SNTG2: variants seen among roughly 807,000 people sequenced by gnomAD.
The protein encoded by SNTG2 is gamma-2-syntrophin.
Under a neutral mutation model 70.9 loss-of-function variants are expected in SNTG2, and 74 were observed. That is an observed-to-expected ratio of 1.04 (90% CI 0.86 to 1.27). SNTG2 has a LOEUF of 1.27. Ranked by LOEUF, SNTG2 falls within the 50% of genes most tolerant of loss-of-function variation. The probability of loss-of-function intolerance (pLI) is 0.00; values close to 1 mark genes in which losing one functional copy is unlikely to be tolerated. For synonymous variants in SNTG2, 278 were observed against 273.8 expected (o/e 1.02, Z -0.15); for missense variants, 717 against 690.7 (o/e 1.04, Z -0.43).
rs200509062 is a variant in SNTG2, at chr2:1,098,380, G to A, written c.295G>A (p.Val99Ile). 130 of 1,613,874 alleles carry A rather than the reference G, an allele frequency of 8.1e-5. No homozygotes were observed. Among genetic ancestry groups the A allele is most frequent in the Middle Eastern group, 6.6e-4 (4 of 6,062 alleles). Residue 99 changes from valine to isoleucine, a missense_variant, in exon 4 of 17, where the codon GTC (valine) becomes ATC (isoleucine). By Grantham distance (29) the Val-to-Ile change is conservative (BLOSUM62 3). Coordinates refer to ENST00000308624, the MANE Select transcript of SNTG2 (RefSeq NM_018968.4). ...KGGSEHNVPV[V>I]ISKIFEDQAA... The stretch of plus-strand genomic sequence containing the variant: ...AGGTTCTGAGCACAACGTCCCTGTC[G>A]TCATATCAAAAATATTCGAAGACCA...
At chr2:1,340,170 C>A (rs1249125965) in intron 16 of SNTG2, among the ~76,000 whole-genome samples, 6 of 152,326 alleles carry the variant, frequency 3.9e-5, no homozygotes, top group Admixed American at 6.5e-5. Context: ...TCACATCTGT[C>A]TAAATTTACT....
intron 2 of SNTG2, among the ~76,000 whole-genome samples, chr2:1,096,542 T>G (rs62107373): frequency 0.037 from 5,700 of 152,130 alleles, 251 homozygotes; most frequent in South Asian, 0.22. Context: ...GCGTTCAACA[T>G]CCTTAGATTC....
intron 16 of SNTG2, among the ~76,000 whole-genome samples, chr2:1,330,912 G>T (rs796069417): frequency 6.6e-6 from 1 of 152,120 alleles, no homozygotes; most frequent in Non-Finnish European, 1.5e-5. Context: ...CTATCAGGTC[G>T]ATGTGTGCCG....
intron 1 of SNTG2, among the ~76,000 whole-genome samples, chr2:994,611 A>G (rs1661613902): frequency 6.6e-6 from 1 of 152,072 alleles, no homozygotes; most frequent in South Asian, 2.1e-4. Flanking sequence ...GAATCTGTAG[A>G]TCAATTTGAG....
At chr2:1,053,147 T>C (rs1281132756) in intron 1 of SNTG2, among the ~76,000 whole-genome samples, 1 of 152,238 alleles carries the variant, frequency 6.6e-6, no homozygotes, top group Admixed American at 6.5e-5. Context: ...CTGCTGTTGC[T>C]GAGCACAGTG....
intron 16 of SNTG2, among the ~76,000 whole-genome samples, chr2:1,330,887 C>T (rs114437669): frequency 5.8e-4 from 89 of 152,162 alleles, no homozygotes; most frequent in Non-Finnish European, 9.9e-4. Flanking sequence ...CAAAAGTGAC[C>T]AAGGCTGGCA....
chr2:1,277,277 C>G (rs927575930), intron 14 of SNTG2, among the ~76,000 whole-genome samples: 2 of 152,116 alleles, frequency 1.3e-5, no homozygotes, highest in African/African-American at 4.8e-5. Flanking sequence ...AAGAGTAAAT[C>G]GATGAGGCAG....
At chr2:1,271,829 T>C (rs1679035415) in intron 14 of SNTG2, among the ~76,000 whole-genome samples, 1 of 152,168 alleles carries the variant, frequency 6.6e-6, no homozygotes, top group Middle Eastern at 3.2e-3. Context: ...TGCCATTGGC[T>C]GATTGGCTTC....
At chr2:1,264,940 A>G (rs1402413154) in intron 13 of SNTG2, among the ~76,000 whole-genome samples, 1 of 152,218 alleles carries the variant, frequency 6.6e-6, no homozygotes, top group East Asian at 1.9e-4. Flanking sequence ...TCATGTTATT[A>G]GTAAAGCTTC....
intron 9 of SNTG2, among the ~76,000 whole-genome samples, chr2:1,222,398 T>C (rs1217269552): frequency 1.3e-5 from 2 of 152,264 alleles, no homozygotes; most frequent in Non-Finnish European, 2.9e-5. Flanking sequence ...TTCCTTTGTG[T>C]GTGGAGATTT....
intron 16 of SNTG2, among the ~76,000 whole-genome samples, chr2:1,318,176 T>G (rs1681373555): frequency 6.6e-6 from 1 of 152,222 alleles, no homozygotes; most frequent in Non-Finnish European, 1.5e-5. Context: ...GCCAGTTTAA[T>G]ATAAACTTAA....
chr2:1,330,402 C>T (rs1659462745), intron 16 of SNTG2, among the ~76,000 whole-genome samples: 1 of 152,120 alleles, frequency 6.6e-6, no homozygotes, highest in South Asian at 2.1e-4. Context: ...AGCTAATTCC[C>T]TAGATGAGAC....
chr2:1,201,253 T>TG (rs1673255845), intron 8 of SNTG2, among the ~76,000 whole-genome samples: 1 of 151,916 alleles, frequency 6.6e-6, no homozygotes, highest in Admixed American at 6.6e-5. Flanking sequence ...GCAACATGGA[T>TG]GGAACTGGAG....
chr2:1,059,903 G>A (rs1234864830), intron 1 of SNTG2, among the ~76,000 whole-genome samples: 1 of 151,896 alleles, frequency 6.6e-6, no homozygotes, highest in Non-Finnish European at 1.5e-5. Context: ...TTGGATCAGG[G>A]GTACAAAAGT....
intron 2 of SNTG2, 69 bp downstream of exon 2, chr2:1,083,724 T>C (rs1406163542): frequency 1.3e-5 from 21 of 1,573,574 alleles, no homozygotes; most frequent in African/African-American, 2.7e-5. Context: ...CTTTGAAAAG[T>C]GTGGTTCAAG....
chr2:1,082,667 C>T (rs879806200), intron 1 of SNTG2, among the ~76,000 whole-genome samples: 8 of 152,310 alleles, frequency 5.3e-5, no homozygotes, highest in South Asian at 2.1e-4. Flanking sequence ...TCCTGCACTC[C>T]GGAGGCTGGG....
intron 8 of SNTG2, among the ~76,000 whole-genome samples, chr2:1,191,722 G>A (rs996524206): frequency 6.6e-6 from 1 of 152,168 alleles, no homozygotes; most frequent in African/African-American, 2.4e-5. Flanking sequence ...TGGAACCCAG[G>A]AGGCAGAGGT....
At chr2:1,037,625 A>G (rs894763190) in intron 1 of SNTG2, among the ~76,000 whole-genome samples, 21 of 152,190 alleles carry the variant, frequency 1.4e-4, no homozygotes, top group African/African-American at 5.1e-4. Context: ...ACACAGAATC[A>G]TAGGACGTCT....
intron 1 of SNTG2, among the ~76,000 whole-genome samples, chr2:1,006,763 C>T (rs543413085): frequency 4.6e-5 from 7 of 152,076 alleles, no homozygotes; most frequent in Admixed American, 2.0e-4. Context: ...CGGTGGCTCA[C>T]GCCTGTAATG....
Sources: gnomAD v4.1 joint callset for allele counts (sites outside exome capture counted in the v4.1 genomes callset) on GRCh38, gnomAD v4.1.1 for gene constraint, MANE v1.5 for transcripts, NCBI Gene and HGNC (gene_info 2026-07-23, HGNC 2026-07-21) for gene names.